Variants in NAPB observed in about 807,000 individuals in gnomAD.
The protein encoded by NAPB is NSF attachment protein beta.
In NAPB, 26 loss-of-function variants were observed where a neutral mutation model predicts 44.7. The ratio of observed to expected loss-of-function variants is 0.58; its 90% CI spans 0.43 to 0.81. The LOEUF is 0.81. NAPB is among the 30% of genes least tolerant of loss of function. The pLI is 0.00. For synonymous variants in NAPB, 120 were observed against 116.8 expected, an observed-to-expected ratio of 1.03 and a Z score of -0.18; for missense variants, 315 against 356.4, an observed-to-expected ratio of 0.88 and a Z score of 0.94.
chr20:23,417,083 CTTTTTTTT>C (rs567478910), intron 1 of NAPB, among the ~76,000 whole-genome samples: 8 of 134,176 alleles, frequency 6.0e-5, no homozygotes, highest in Admixed American at 5.3e-4. Flanking sequence ...CACTGGCATT[CTTTTTTTT>C]TTTTTTTTTT....
At chr20:23,407,056 T>C (rs893263058) in intron 1 of NAPB, among the ~76,000 whole-genome samples, 4 of 152,212 alleles carry the variant, frequency 2.6e-5, no homozygotes, top group Admixed American at 2.0e-4. Flanking sequence ...AGGTCAGTAG[T>C]GTACCTGACA....
chr20:23,413,819 A>C (rs2424548), intron 1 of NAPB, among the ~76,000 whole-genome samples: 41,954 of 151,878 alleles, frequency 0.28, 5,986 homozygotes, highest in Middle Eastern at 0.37. Flanking sequence ...GACAAAAACA[A>C]GAAAGTTATC....
intron 1 of NAPB, 112 bp downstream of exon 1, chr20:23,421,193 G>A (rs917827852): frequency 1.1e-5 from 9 of 849,454 alleles, no homozygotes; most frequent in Admixed American, 2.9e-5. Flanking sequence ...GCCCCTAGAC[G>A]TGGTCTGAGG....
At chr20:23,386,812 A>C (rs547470508) in intron 7 of NAPB, among the ~76,000 whole-genome samples, 1 of 152,252 alleles carries the variant, frequency 6.6e-6, no homozygotes, top group African/African-American at 2.4e-5. Context: ...TTTAATCTGT[A>C]CCCGTTTGCT....
At chr20:23,403,570 T>G (rs1248257906) in intron 1 of NAPB, among the ~76,000 whole-genome samples, 2 of 132,228 alleles carry the variant, frequency 1.5e-5, no homozygotes, top group East Asian at 4.8e-4. Flanking sequence ...GCCATTGCAC[T>G]CCAGCCTGGG....
At chr20:23,416,578 T>A (rs1392996414) in intron 1 of NAPB, among the ~76,000 whole-genome samples, 1 of 151,868 alleles carries the variant, frequency 6.6e-6, no homozygotes, top group Non-Finnish European at 1.5e-5. Flanking sequence ...ATAATATAAT[T>A]ATATTTCTTA....
chr20:23,421,223 G>T, intron 1 of NAPB, 82 bp downstream of exon 1: 1 of 1,237,700 alleles, frequency 8.1e-7, no homozygotes, highest in African/African-American at 1.6e-5. Flanking sequence ...GTTGCGTGGG[G>T]GACTCGGGGG....
At chr20:23,391,347 G>A (rs761102438) in intron 5 of NAPB, among the ~76,000 whole-genome samples, 4 of 152,056 alleles carry the variant, frequency 2.6e-5, no homozygotes, top group Middle Eastern at 6.4e-3. Flanking sequence ...AGTGTCTACC[G>A]GAGTCCAAAA....
chr20:23,396,460 G>A (rs1383197524), intron 3 of NAPB, among the ~76,000 whole-genome samples: 3 of 152,170 alleles, frequency 2.0e-5, no homozygotes, highest in East Asian at 3.8e-4. Flanking sequence ...CAAAATTTCC[G>A]CTGTGCACGC....
intron 7 of NAPB, among the ~76,000 whole-genome samples, chr20:23,382,368 A>AC (rs1339770184): frequency 6.6e-6 from 1 of 152,200 alleles, no homozygotes; most frequent in Non-Finnish European, 1.5e-5. Flanking sequence ...CAGTCTCATA[A>AC]CCTAATGTGC....
intron 7 of NAPB, among the ~76,000 whole-genome samples, chr20:23,382,040 G>A (rs1983046765): frequency 6.6e-6 from 1 of 152,174 alleles, no homozygotes. Flanking sequence ...CACACTGGGA[G>A]CCTGCATCCT....
At chr20:23,393,914 C>G (rs773741398) in intron 5 of NAPB, among the ~76,000 whole-genome samples, 1 of 152,154 alleles carries the variant, frequency 6.6e-6, no homozygotes, top group Non-Finnish European at 1.5e-5. Context: ...TACAAAGGTC[C>G]TGAGGCAGGA....
chr20:23,408,814 C>G lies in NAPB; in HGVS notation c.99-5742G>C, dbSNP rs570387277. ...ATGTATGAGGTGATGAGTATGCTAA[C>G]TATCCTGATTTGATCATTATACAAC... On this transcript the variant is annotated intron_variant, in intron 1 of 10. Coordinates refer to ENST00000377026, the MANE Select transcript of NAPB (RefSeq NM_022080.3). Among the ~76,000 whole-genome samples the G allele has an allele frequency of 9.7e-4, 147 of 152,260 alleles. 1 individual carries two copies. Among genetic ancestry groups the G allele is most frequent in the African/African-American group, 3.4e-3 (141 of 41,518 alleles).
chr20:23,410,665 G>A (rs1985588804), intron 1 of NAPB, among the ~76,000 whole-genome samples: 1 of 151,742 alleles, frequency 6.6e-6, no homozygotes, highest in Non-Finnish European at 1.5e-5. Context: ...ACCTGCATAT[G>A]TACCCCCTGA....
At chr20:23,406,891 TAACA>T (rs1958370171) in intron 1 of NAPB, among the ~76,000 whole-genome samples, 1 of 152,264 alleles carries the variant, frequency 6.6e-6, no homozygotes. Flanking sequence ...CAGCTAGAAT[TAACA>T]GAGTTCCTAC....
chr20:23,400,232 G>A (rs1984731770), intron 2 of NAPB, among the ~76,000 whole-genome samples: 2 of 152,144 alleles, frequency 1.3e-5, no homozygotes. Flanking sequence ...TCTAAACTTG[G>A]AAGTGTTGGG....
chr20:23,420,866 C>G (rs561019960), intron 1 of NAPB, among the ~76,000 whole-genome samples: 221 of 150,732 alleles, frequency 1.5e-3, no homozygotes, highest in African/African-American at 5.3e-3. Flanking sequence ...CTCTGGGGGT[C>G]CTAGGGGTTC....
chr20:23,405,264 G>A (rs913410981), intron 1 of NAPB, among the ~76,000 whole-genome samples: 2 of 148,116 alleles, frequency 1.4e-5, no homozygotes, highest in Non-Finnish European at 3.0e-5. Context: ...CTAGGTGACA[G>A]AGCGAGACTT....
chr20:23,406,490 T>C (rs1311175811), intron 1 of NAPB, among the ~76,000 whole-genome samples: 1 of 151,356 alleles, frequency 6.6e-6, no homozygotes, highest in Middle Eastern at 3.4e-3. Flanking sequence ...ACAAAAAAAA[T>C]CAAAAAAACA....
Sources: allele counts gnomAD v4.1 joint callset (sites outside exome capture counted in the v4.1 genomes callset), GRCh38; gene constraint gnomAD v4.1.1; transcripts MANE v1.5; gene names NCBI Gene and HGNC (gene_info 2026-07-23, HGNC 2026-07-21).